The following ZDHHC24 variants were observed in gnomAD, a reference collection of about 807,000 sequenced individuals.
ZDHHC24 encodes the protein zDHHC palmitoyltransferase 24.
In ZDHHC24, 17 loss-of-function variants were observed where a neutral mutation model predicts 23.2. The ratio of observed to expected loss-of-function variants is 0.73; its 90% confidence interval spans 0.50 to 1.10. The LOEUF (loss-of-function observed/expected upper bound fraction) is 1.10, where lower values mean the gene tolerates loss of function less well. ZDHHC24 is among the 50% of genes least tolerant of loss of function. The probability of loss-of-function intolerance (pLI) is 0.00; values close to 1 mark genes in which losing one functional copy is unlikely to be tolerated. For synonymous variants in ZDHHC24, 186 were observed against 194.5 expected, an observed-to-expected ratio of 0.96 and a Z score of 0.36; for missense variants, 366 against 393.0, an observed-to-expected ratio of 0.93 and a Z score of 0.58.
At chr11:66,521,201 A>T in exon 5 of ZDHHC24, 1 of 1,129,910 alleles carries the variant, frequency 8.9e-7, no homozygotes, top group South Asian at 1.2e-5. Flanking sequence ...CACTCAGAGG[A>T]GTTACTGACA....
At chr11:66,532,108 C>A, downstream of ZDHHC24, 1 of 1,471,648 alleles carries the variant, frequency 6.8e-7, no homozygotes, top group Non-Finnish European at 9.2e-7. Context: ...GGCCCCAGGC[C>A]CACTCCTCAT....
downstream of ZDHHC24, chr11:66,530,960 G>A (rs1253028314): frequency 3.1e-6 from 5 of 1,614,112 alleles, no homozygotes; most frequent in East Asian, 8.9e-5. Context: ...AACCCGTCCT[G>A]TCCTGGGGCT....
At chr11:66,526,553 G>C (rs1856502313) in intron 4 of ZDHHC24, 1 of 1,516,482 alleles carries the variant, frequency 6.6e-7, no homozygotes, top group East Asian at 2.3e-5. Context: ...GTGTACAGAA[G>C]CAACTCTATA....
downstream of ZDHHC24, among the ~76,000 whole-genome samples, chr11:66,530,627 G>A (rs1310450937): frequency 6.6e-6 from 1 of 152,108 alleles, no homozygotes; most frequent in Non-Finnish European, 1.5e-5. Context: ...CAGGCAGGGG[G>A]TGGGGGTGAG....
At chr11:66,531,891 G>A (rs1464169496), downstream of ZDHHC24, 21 of 1,574,782 alleles carry the variant, frequency 1.3e-5, no homozygotes, top group East Asian at 2.4e-4. Context: ...TAGGGCCAGC[G>A]CAGACCAGGC....
At chr11:66,544,625 C>T (rs1484466152) in intron 1 of ZDHHC24, among the ~76,000 whole-genome samples, 2 of 152,258 alleles carry the variant, frequency 1.3e-5, no homozygotes, top group South Asian at 2.1e-4. Context: ...GGCTAACCGC[C>T]CCCCACGCCC....
chr11:66,521,408 G>A, exon 5 of ZDHHC24: 1 of 1,565,812 alleles, frequency 6.4e-7, no homozygotes, highest in Non-Finnish European at 8.8e-7. Flanking sequence ...GGGGCCGGGA[G>A]GAACATCTCA....
At chr11:66,528,926 C>T (rs1343968617) in intron 3 of ZDHHC24, 6 of 324,842 alleles carry the variant, frequency 1.8e-5, no homozygotes, top group Non-Finnish European at 2.6e-5. Context: ...TGAGATCACG[C>T]CATTGCACTC....
At chr11:66,527,306 C>T (rs999254132) in intron 3 of ZDHHC24, among the ~76,000 whole-genome samples, 2 of 151,912 alleles carry the variant, frequency 1.3e-5, no homozygotes, top group African/African-American at 4.8e-5. Context: ...ATTCATTCAT[C>T]GTTCGTTCAT....
chr11:66,523,869 T>A lies in ZDHHC24; in HGVS notation c.*22-2403A>T. The A allele has an allele frequency of 6.2e-7, 1 of 1,613,338 alleles. No homozygotes were observed. The highest frequency in any genetic ancestry group is 1.7e-5 in the Admixed American group (1 of 60,024). On this transcript the variant is annotated intron_variant, in intron 4 of 4. Coordinates refer to the ZDHHC24 transcript ENST00000526986. Reference sequence around the variant, plus strand: ...TATCGTGACAAGGCCCTGCTCAATGTCATCCACACCCCGGTGAGCCCCATC... The same window carrying A: ...TATCGTGACAAGGCCCTGCTCAATGACATCCACACCCCGGTGAGCCCCATC...
rs1857278939 is a variant in ZDHHC24, at chr11:66,545,274, A to C, written c.281+449T>G. ...CTAGGCTGGTAAACTTCTGACCTTAAGTGATCCGCCGGCCTCGGCCTCCCA... is the reference window on the plus strand; with the variant it reads ...CTAGGCTGGTAAACTTCTGACCTTACGTGATCCGCCGGCCTCGGCCTCCCA... On this transcript the variant is annotated intron_variant, in intron 1 of 2. Coordinates refer to ENST00000310442, the MANE Select transcript of ZDHHC24 (RefSeq NM_207340.3). The surrounding 1 kb of genome is among the most constrained non-coding windows in gnomAD (Gnocchi z 4.5). 6.6e-6 allele frequency among the ~76,000 whole-genome samples: 1 copy of C among 152,096 alleles called. No homozygotes were observed. The highest frequency in any genetic ancestry group is 1.5e-5 in the Non-Finnish European group (1 of 68,006).
downstream of ZDHHC24, chr11:66,533,129 C>T (rs914540318): frequency 6.6e-6 from 1 of 152,178 alleles, no homozygotes; most frequent in Admixed American, 6.5e-5. Flanking sequence ...TGAACCGTGC[C>T]ATGAGGACAG....
downstream of ZDHHC24, chr11:66,530,830 A>C (rs1304133476): frequency 6.2e-7 from 1 of 1,608,708 alleles, no homozygotes; most frequent in African/African-American, 1.3e-5. Flanking sequence ...CAGGCAGAGC[A>C]CACTGTACTC....
downstream of ZDHHC24, chr11:66,531,864 GC>G: frequency 6.3e-7 from 1 of 1,593,720 alleles, no homozygotes; most frequent in Non-Finnish European, 8.5e-7. Flanking sequence ...GCACAGTGGA[GC>G]CCTGTGGCCT....
downstream of ZDHHC24, chr11:66,530,992 C>T (rs757866253): frequency 1.3e-5 from 21 of 1,614,096 alleles, no homozygotes; most frequent in South Asian, 6.6e-5. Context: ...TCCTGTACAA[C>T]GAGGCGCTCT....
At chr11:66,529,839 A>T in intron 2 of ZDHHC24, 1 of 1,611,078 alleles carries the variant, frequency 6.2e-7, no homozygotes, top group Non-Finnish European at 8.5e-7. Flanking sequence ...GGCCTTCCAG[A>T]CAGACCTATA....
At chr11:66,543,528 A>G (rs1256275716) in intron 2 of ZDHHC24, among the ~76,000 whole-genome samples, 176 bp downstream of exon 2, 1 of 152,146 alleles carries the variant, frequency 6.6e-6, no homozygotes, top group Non-Finnish European at 1.5e-5. Flanking sequence ...TTGTCTCAAC[A>G]CACCAGTTTC....
chr11:66,541,744 C>G (rs1857158037), intron 2 of ZDHHC24, among the ~76,000 whole-genome samples: 1 of 152,238 alleles, frequency 6.6e-6, no homozygotes, highest in South Asian at 2.1e-4. Flanking sequence ...TTCACGGGGG[C>G]TGGGGGCCAG....
chr11:66,543,556 T>G (rs1356368511), intron 2 of ZDHHC24, 148 bp downstream of exon 2: 21 of 1,024,782 alleles, frequency 2.0e-5, no homozygotes, highest in Middle Eastern at 6.4e-4. Flanking sequence ...CACCCCCGGG[T>G]GAATACCAAG....
Sources: allele counts gnomAD v4.1 joint callset (sites outside exome capture counted in the v4.1 genomes callset), GRCh38; gene constraint gnomAD v4.1.1; non-coding constraint Gnocchi (gnomAD v3.1); transcripts MANE v1.5; gene names NCBI Gene and HGNC (gene_info 2026-07-23, HGNC 2026-07-21).